The following NFIX variants were observed in gnomAD, a reference collection of about 807,000 sequenced individuals.
NFIX encodes nuclear factor I X, also known as nuclear factor 1 X-type.
NFIX carries 2 observed loss-of-function variants against 53.3 expected under a neutral mutation model. The ratio of observed to expected loss-of-function variants is 0.04; its 90% CI spans 0.02 to 0.12. The LOEUF is 0.12. Among genes scored for constraint, NFIX ranks in the 10% least tolerant of loss-of-function variants. The pLI, the probability that NFIX is intolerant of heterozygous loss-of-function variation, is 1.00. For synonymous variants in NFIX, 244 were observed against 289.0 expected (o/e 0.84, Z 1.58); for missense variants, 310 against 674.5 (o/e 0.46, Z 5.99).
chr19:13,044,566 G>C (rs1231037946), intron 2 of NFIX, among the ~76,000 whole-genome samples: 1 of 152,176 alleles, frequency 6.6e-6, no homozygotes, highest in Non-Finnish European at 1.5e-5. Flanking sequence ...GGAGTGCAGT[G>C]AGTAGGGGGC....
At chr19:13,041,838 C>T (rs867498950) in intron 2 of NFIX, among the ~76,000 whole-genome samples, 3 of 151,066 alleles carry the variant, frequency 2.0e-5, no homozygotes, top group Non-Finnish European at 4.4e-5. Flanking sequence ...TCTACTATGT[C>T]GCTATTTTTC....
At chr19:13,069,310 C>T (rs1457882342) in intron 2 of NFIX, among the ~76,000 whole-genome samples, 1 of 152,188 alleles carries the variant, frequency 6.6e-6, no homozygotes, top group African/African-American at 2.4e-5. Context: ...GAAAGGCTTC[C>T]AGGGGACATG....
rs2012332142 is a variant in NFIX at position 13,011,383 on chromosome 19, A to G, written c.28-13638A>G. ...GCCCCCCACCACCCCACCTCGGGAG[A>G]AATTTCCACTTGCCCCCGAGTCCAG... On this transcript the variant is annotated intron_variant, in intron 1 of 10. Transcript: ENST00000592199. The surrounding 1 kb of genome is among the most constrained non-coding windows in gnomAD (Gnocchi z 6.5). Among the ~76,000 whole-genome samples, 1 of 152,144 alleles carries G rather than the reference A, an allele frequency of 6.6e-6. No homozygotes were observed. The highest frequency in any genetic ancestry group is 1.5e-5 in the Non-Finnish European group (1 of 68,018).
rs1407257647 is a variant in NFIX at position 13,009,541 on chromosome 19, T to G, written c.27+13677T>G. On this transcript the variant is annotated intron_variant, in intron 1 of 10. Transcript: ENST00000592199. The surrounding 1 kb of genome is among the most constrained non-coding windows in gnomAD (Gnocchi z 4.7). ...CCCCCTTCTGGCCACCTGAGGCTCC[T>G]CCTTCTGGCCTTCCCATGGGAATTC... Among the ~76,000 whole-genome samples the G allele has an allele frequency of 1.3e-5, 2 of 152,326 alleles. No individual in the cohort carries two copies. The highest frequency in any genetic ancestry group is 1.5e-5 in the Non-Finnish European group (1 of 68,030).
chr19:13,074,160 G>T (rs984371782), intron 5 of NFIX, 134 bp downstream of exon 5: 3 of 1,162,986 alleles, frequency 2.6e-6, no homozygotes, highest in Non-Finnish European at 3.7e-6. Flanking sequence ...GAGGGCACTG[G>T]CTCTAACACT....
In NFIX at chr19:13,034,922, C is replaced by T. The variant is rs145926201; in HGVS notation, c.559+9370C>T. On this transcript the variant is annotated intron_variant, in intron 2 of 10. Coordinates refer to ENST00000592199, the MANE Select transcript of NFIX (RefSeq NM_001365902.3). ...CCCCTTGAGCAGCATTTCCCAACTGCGGAACTGTTGACATTCGAGTGAGAT... is the reference window on the plus strand; with the variant it reads ...CCCCTTGAGCAGCATTTCCCAACTGTGGAACTGTTGACATTCGAGTGAGAT... Among the ~76,000 whole-genome samples the T allele has an allele frequency of 5.2e-4, 79 of 152,278 alleles. No individual in the cohort carries two copies. The East Asian group carries it at 0.014, about 26-fold the overall frequency.
chr19:13,030,649 T>C (rs2013729940), intron 2 of NFIX, among the ~76,000 whole-genome samples: 1 of 152,166 alleles, frequency 6.6e-6, no homozygotes, highest in African/African-American at 2.4e-5. Context: ...GCCCTTGCCA[T>C]TTTGGTAACC....
In NFIX at chr19:13,051,833, G is replaced by A. The variant is rs1338356206; in HGVS notation, c.560-21214G>A. Among the ~76,000 whole-genome samples, 1 of 152,208 alleles carries A rather than the reference G, an allele frequency of 6.6e-6. No homozygotes were observed. The highest frequency in any genetic ancestry group is 2.4e-5 in the African/African-American group (1 of 41,452). Reference sequence around the variant, plus strand: ...TAAAGAAACACAACCCGCCGCTGCCGCCTTAGCAGGTGCCTGGAGGGGGCG... The same window carrying A: ...TAAAGAAACACAACCCGCCGCTGCCACCTTAGCAGGTGCCTGGAGGGGGCG... On this transcript the variant is annotated intron_variant, in intron 2 of 10. Transcript: ENST00000592199. The surrounding 1 kb of genome is among the most constrained non-coding windows in gnomAD (Gnocchi z 5.1).
chr19:13,036,332 G>T lies in NFIX; in HGVS notation c.559+10780G>T, dbSNP rs995415983. 6.6e-6 allele frequency among the ~76,000 whole-genome samples: 1 copy of T among 152,294 alleles called. No individual in the cohort carries two copies. The highest frequency in any genetic ancestry group is 1.9e-4 in the East Asian group (1 of 5,190). On this transcript the variant is annotated intron_variant, in intron 2 of 10. Transcript: ENST00000592199. This position sits in a 1 kb window ranked among gnomAD's most constrained non-coding sequence, Gnocchi z 4.7. ...TATTTCATCATAATTGTTTGTTTTG[G>T]GTTTAACAATACAGCAGGGAGAAGA...
At chr19:13,031,437 G>A (rs895219921) in intron 2 of NFIX, among the ~76,000 whole-genome samples, 2 of 152,170 alleles carry the variant, frequency 1.3e-5, no homozygotes, top group African/African-American at 2.4e-5. Context: ...GGGTCCAGAC[G>A]TGCAGAAGGA....
In NFIX at chr19:13,028,525, G is replaced by A. The variant is rs1367525454; in HGVS notation, c.559+2973G>A. 6.6e-6 allele frequency among the ~76,000 whole-genome samples: 1 copy of A among 152,186 alleles called. No individual in the cohort carries two copies. Among genetic ancestry groups the A allele is most frequent in the Non-Finnish European group, 1.5e-5 (1 of 68,030 alleles). ...GATGACATGTTCGAGAGGGAATAAA[G>A]GACGTGTGTTTGGCGTTGAAACTCC... On this transcript the variant is annotated intron_variant, in intron 2 of 10. Coordinates refer to ENST00000592199, the MANE Select transcript of NFIX (RefSeq NM_001365902.3). The surrounding 1 kb of genome is among the most constrained non-coding windows in gnomAD (Gnocchi z 4.2).
In NFIX at chr19:13,036,352, A is replaced by G. The variant is rs577658630; in HGVS notation, c.559+10800A>G. Among the ~76,000 whole-genome samples, 1 of 152,252 alleles carries G rather than the reference A, an allele frequency of 6.6e-6. No individual in the cohort carries two copies. Among genetic ancestry groups the G allele is most frequent in the East Asian group, 1.9e-4 (1 of 5,188 alleles). On this transcript the variant is annotated intron_variant, in intron 2 of 10. Transcript: ENST00000592199. The surrounding 1 kb of genome is among the most constrained non-coding windows in gnomAD (Gnocchi z 4.7). ...TTTTGGGTTTAACAATACAGCAGGG[A>G]GAAGAGTGGCAGAGGAAGAAGAGCG...
In NFIX at chr19:13,060,896, T is replaced by G. The variant is rs951457306; in HGVS notation, c.560-12151T>G. 6.6e-6 allele frequency among the ~76,000 whole-genome samples: 1 copy of G among 152,096 alleles called. No homozygotes were observed. The highest frequency in any genetic ancestry group is 1.5e-5 in the Non-Finnish European group (1 of 68,000). ...CGCTGATTTTTTTTTTCTTCCTGAC[T>G]TTTCTCCATTTCTGTCTCTGGTTCC... On this transcript the variant is annotated intron_variant, in intron 2 of 10. Coordinates refer to ENST00000592199, the MANE Select transcript of NFIX (RefSeq NM_001365902.3). This position sits in a 1 kb window ranked among gnomAD's most constrained non-coding sequence, Gnocchi z 4.3.
At chr19:13,058,341 A>G (rs2015846082) in intron 2 of NFIX, among the ~76,000 whole-genome samples, 1 of 152,120 alleles carries the variant, frequency 6.6e-6, no homozygotes, top group South Asian at 2.1e-4. Flanking sequence ...CCTGAGGCCC[A>G]TGACTTTAAA....
At position 13,002,735 on chromosome 19, in the gene NFIX, G is replaced by T. The variant is rs145272752; in HGVS notation, c.27+6871G>T. ...GGAGGCGGGTAGCGGGCACTGCGGCGCTCTGCAGCCAATCGGAAGCCGGGG... is the reference window on the plus strand; with the variant it reads ...GGAGGCGGGTAGCGGGCACTGCGGCTCTCTGCAGCCAATCGGAAGCCGGGG... On this transcript the variant is annotated intron_variant, in intron 1 of 10. Coordinates refer to ENST00000592199, the MANE Select transcript of NFIX (RefSeq NM_001365902.3). The surrounding 1 kb of genome is among the most constrained non-coding windows in gnomAD (Gnocchi z 6.1). Among the ~76,000 whole-genome samples, 88 of 152,292 alleles carry T rather than the reference G, an allele frequency of 5.8e-4. No individual in the cohort carries two copies. The highest frequency in any genetic ancestry group is 2.0e-3 in the African/African-American group (82 of 41,564).
In NFIX at chr19:13,046,573, A is replaced by G. The variant is rs142626002; in HGVS notation, c.559+21021A>G. 1.8e-3 allele frequency among the ~76,000 whole-genome samples: 277 copies of G among 150,870 alleles called. 1 individual carries two copies. The Middle Eastern group carries it at 0.058, about 31-fold the overall frequency. The stretch of plus-strand genomic sequence containing the variant: ...CTTTCCCGTTCCTGGGGCTTTTGCC[A>G]TTCATCGCTGGGGACCCCCTTTAGG... On this transcript the variant is annotated intron_variant, in intron 2 of 10. Transcript: ENST00000592199.
At chr19:13,062,379 G>C (rs2016145311) in intron 2 of NFIX, among the ~76,000 whole-genome samples, 2 of 152,230 alleles carry the variant, frequency 1.3e-5, no homozygotes, top group African/African-American at 4.8e-5. Context: ...TCCCTGGGTG[G>C]TCAGTGTAGC....
intron 2 of NFIX, among the ~76,000 whole-genome samples, chr19:13,039,145 G>A (rs927216366): frequency 2.0e-5 from 3 of 152,004 alleles, no homozygotes; most frequent in Non-Finnish European, 2.9e-5. Context: ...TTATGGTATC[G>A]TGGTTTACAA....
intron 2 of NFIX, among the ~76,000 whole-genome samples, chr19:13,031,640 G>A (rs1166790893): frequency 1.3e-5 from 2 of 152,186 alleles, no homozygotes; most frequent in South Asian, 2.1e-4. Context: ...CTTCTAGAAG[G>A]CTTCCTCCCG....
Sources: gnomAD v4.1 joint callset for allele counts (sites outside exome capture counted in the v4.1 genomes callset) on GRCh38, gnomAD v4.1.1 for gene constraint, Gnocchi (gnomAD v3.1) non-coding constraint, MANE v1.5 for transcripts, NCBI Gene and HGNC (gene_info 2026-07-23, HGNC 2026-07-21) for gene names.